MDN1: variants seen among roughly 807,000 people sequenced by gnomAD.
The protein encoded by MDN1 is midasin.
In MDN1, 266 loss-of-function variants were observed where a neutral mutation model predicts 669.2. The ratio of observed to expected loss-of-function variants is 0.40; its 90% CI spans 0.36 to 0.44. MDN1 has a LOEUF of 0.44. MDN1 is among the 20% of genes least tolerant of loss of function. MDN1 has a pLI of 1.00. For synonymous variants in MDN1, 2,385 were observed against 2,457.1 expected (o/e 0.97, Z 0.87); for missense variants, 5,940 against 6,754.0 (o/e 0.88, Z 4.22).
At chr6:89,685,652 C>A (rs1021341998) in intron 70 of MDN1, among the ~76,000 whole-genome samples, 175 bp downstream of exon 70, 1 of 152,206 alleles carries the variant, frequency 6.6e-6, no homozygotes, top group African/African-American at 2.4e-5. Context: ...TTATAACCAT[C>A]TGCACCTCAC....
At position 89,700,125 on chromosome 6, in the gene MDN1, GT is replaced by G. The variant is rs1562109296; in HGVS notation, c.8807del (p.Tyr2936SerfsTer10). 6.2e-7 allele frequency: 1 copy of G among 1,614,152 alleles called. No individual in the cohort carries two copies. The highest frequency in any genetic ancestry group is 1.7e-5 in the Admixed American group (1 of 60,026). On this transcript the variant is annotated frameshift_variant, in exon 57 of 102. Coordinates refer to ENST00000369393, the MANE Select transcript of MDN1 (RefSeq NM_014611.3). LOFTEE classifies it high-confidence loss of function. ...RSVQLWPAMEYLAMLWRYKVT... is the reference protein window; with the variant it reads ...RSVQLWPAMEXLAMLWRYKVT... Reference sequence around the variant, plus strand: ...CTTTGTACCGCCAAAGCATAGCCAGGTACTCCATTGCAGGCCACAACTGAAC... The same window carrying G: ...CTTTGTACCGCCAAAGCATAGCCAGGACTCCATTGCAGGCCACAACTGAAC...
intron 31 of MDN1, 39 bp from the exon 32 acceptor site, chr6:89,740,417 C>A: frequency 1.3e-6 from 2 of 1,519,720 alleles, no homozygotes; most frequent in South Asian, 1.3e-5. Context: ...AGGGCTTATA[C>A]AATCTTTCTG....
intron 55 of MDN1, 72 bp from the exon 56 acceptor site, chr6:89,700,928 C>A: frequency 8.2e-7 from 1 of 1,223,874 alleles, no homozygotes; most frequent in Non-Finnish European, 1.2e-6. Flanking sequence ...CTATACAGGT[C>A]TCAGAATAAA....
At position 89,680,583 on chromosome 6, in the gene MDN1, A is replaced by G. The variant is rs754502698; in HGVS notation, c.12265+6T>C. On this transcript the variant is annotated splice_donor_region_variant and intron_variant, in intron 74 of 101. Transcript: ENST00000369393. ...ATCCACCCTTGACTTGGATGCTGGC[A>G]CCCACCTGTGAACTGATCAAGGCCC... 2 of 1,610,946 alleles carry G rather than the reference A, an allele frequency of 1.2e-6. No individual in the cohort carries two copies. Among genetic ancestry groups the G allele is most frequent in the Admixed American group, 3.4e-5 (2 of 59,284 alleles).
intron 22 of MDN1, 86 bp from the exon 23 acceptor site, chr6:89,751,668 G>C: frequency 4.3e-6 from 6 of 1,400,098 alleles, no homozygotes; most frequent in Non-Finnish European, 5.9e-6. Flanking sequence ...GCCACTTGTT[G>C]AACAAGCTGT....
intron 74 of MDN1, among the ~76,000 whole-genome samples, chr6:89,679,259 CTA>C (rs1293474705): frequency 1.3e-5 from 2 of 152,190 alleles, no homozygotes; most frequent in Admixed American, 1.3e-4. Context: ...GGTCTAGTCA[CTA>C]TCTGAAGGCC....
chr6:89,682,954 C>A (rs921361326), intron 73 of MDN1, among the ~76,000 whole-genome samples, 178 bp downstream of exon 73: 10 of 147,064 alleles, frequency 6.8e-5, no homozygotes, highest in South Asian at 2.3e-4. Flanking sequence ...AAAAAAAAAA[C>A]CCCAAGATTT....
At chr6:89,768,203 C>G (rs1245680391) in intron 15 of MDN1, among the ~76,000 whole-genome samples, 1 of 151,886 alleles carries the variant, frequency 6.6e-6, no homozygotes, top group Non-Finnish European at 1.5e-5. Flanking sequence ...TGGCTGTGTC[C>G]CCAACCAAAT....
intron 35 of MDN1, among the ~76,000 whole-genome samples, chr6:89,729,677 GTTTTTTT>G (rs35914010): frequency 6.0e-5 from 6 of 100,760 alleles, no homozygotes; most frequent in South Asian, 3.7e-4. Context: ...TTTTGTTTTC[GTTTTTTT>G]TTTTTTTTTT....
intron 8 of MDN1, among the ~76,000 whole-genome samples, chr6:89,785,889 G>T (rs891098615): frequency 1.3e-5 from 2 of 152,032 alleles, no homozygotes; most frequent in African/African-American, 4.8e-5. Context: ...CATGTCGGTC[G>T]TTGGGAGGCC....
Position 89,684,942 on chromosome 6 carries a change from C to A in MDN1, c.11763G>T (p.Lys3921Asn), listed in dbSNP as rs768918146. 1.2e-6 allele frequency: 2 copies of A among 1,613,762 alleles called. No homozygotes were observed. The highest frequency in any genetic ancestry group is 1.7e-6 in the Non-Finnish European group (2 of 1,179,718). The change falls in exon 71 of 102, where the codon AAG becomes AAT. Residue 3921 changes from lysine to asparagine, a missense_variant. Physicochemically the swap from Lys to Asn is moderately conservative, Grantham distance 94. This residue lies in a region of MDN1 where 2,280 missense variants were observed against 2,576.3 expected (regional missense o/e 0.88). Transcript: ENST00000369393. ...TGGCCTGGACCCGGTCAAAGAATTGCTTGTAATAATGGTACAAATTCCATA... is the reference window on the plus strand; with the variant it reads ...TGGCCTGGACCCGGTCAAAGAATTGATTGTAATAATGGTACAAATTCCATA... Reference protein sequence around the residue: ...SVLWNLYHYYKQFFDRVQAKI... With the variant: ...SVLWNLYHYYNQFFDRVQAKI...
Position 89,729,362 on chromosome 6 carries a change from C to T in MDN1, c.5141-223G>A, listed in dbSNP as rs578177312. The stretch of plus-strand genomic sequence containing the variant: ...ACGTTTTCTTCAACAGTGCCTACTA[C>T]ACAGATCTCTCCATCTCCTATACAC... On this transcript the variant is annotated intron_variant, in intron 35 of 101. Coordinates refer to ENST00000369393, the MANE Select transcript of MDN1 (RefSeq NM_014611.3). Among the ~76,000 whole-genome samples the T allele has an allele frequency of 1.5e-4, 23 of 152,340 alleles. No individual in the cohort carries two copies. In the East Asian group the frequency reaches 4.4e-3, roughly 29 times the overall value.
chr6:89,751,651 G>C, intron 22 of MDN1, 69 bp from the exon 23 acceptor site: 1 of 1,498,578 alleles, frequency 6.7e-7, no homozygotes, highest in Non-Finnish European at 9.0e-7. Context: ...CATAAAGTAG[G>C]AAAACAGCCA....
Position 89,664,600 on chromosome 6 carries a change from T to A in MDN1, c.14123A>T (p.Glu4708Val), listed in dbSNP as rs749545293. 3 of 1,612,384 alleles carry A rather than the reference T, an allele frequency of 1.9e-6. No individual in the cohort carries two copies. In the East Asian group the frequency reaches 6.7e-5, roughly 36 times the overall value. ...TGAATCAGGATCCTCTTTGTCTTTT[T>A]CTTGACCCTTCTGAAATGTATCTTC... ...QVEDTFQKGQ[E>V]KDKEDPDSKS... The change falls in exon 85 of 102, where the codon GAA becomes GTA. Residue 4708 changes from glutamate (E) to valine (V), a missense_variant. This residue lies in a region of MDN1 where 2,280 missense variants were observed against 2,576.3 expected (regional missense o/e 0.88). Transcript: ENST00000369393.
intron 1 of MDN1, among the ~76,000 whole-genome samples, chr6:89,811,296 G>A (rs1205483591): frequency 6.6e-6 from 1 of 152,122 alleles, no homozygotes; most frequent in African/African-American, 2.4e-5. Flanking sequence ...CGGGTGGGTG[G>A]GGGTTATAGG....
intron 76 of MDN1, 48 bp downstream of exon 76, chr6:89,677,522 C>T (rs1317094925): frequency 6.2e-7 from 1 of 1,607,440 alleles, no homozygotes; most frequent in East Asian, 2.2e-5. Context: ...TTCTAAATTA[C>T]TTGCTCCATT....
chr6:89,710,557 A>G (rs1813826146), intron 50 of MDN1, 124 bp downstream of exon 50: 4 of 485,874 alleles, frequency 8.2e-6, no homozygotes, highest in African/African-American at 2.0e-5. Flanking sequence ...TTGCTTCTGC[A>G]TATCATGAGT....
At chr6:89,714,328 A>G (rs189261444) in intron 46 of MDN1, among the ~76,000 whole-genome samples, 59 of 152,330 alleles carry the variant, frequency 3.9e-4, no homozygotes, top group Non-Finnish European at 8.2e-4. Flanking sequence ...TCAGAATGAC[A>G]TAAGAAGCGT....
At chr6:89,717,074 C>T (rs943895041) in intron 43 of MDN1, among the ~76,000 whole-genome samples, 4 of 152,130 alleles carry the variant, frequency 2.6e-5, no homozygotes, top group African/African-American at 7.2e-5. Flanking sequence ...TTCTGTATTA[C>T]GGTTTCTCAA....
Sources: gnomAD v4.1 joint callset for allele counts (sites outside exome capture counted in the v4.1 genomes callset) on GRCh38, gnomAD v4.1.1 for gene constraint, gnomAD v4.1.1 regional missense constraint, MANE v1.5 for transcripts, NCBI Gene and HGNC (gene_info 2026-07-23, HGNC 2026-07-21) for gene names.